LHPP: variants seen among roughly 807,000 people sequenced by gnomAD.
LHPP encodes the protein phospholysine phosphohistidine inorganic pyrophosphate phosphatase.
A neutral mutation model predicts 30.3 loss-of-function variants in LHPP; 24 were observed. The ratio of observed to expected loss-of-function variants is 0.79; its 90% CI spans 0.57 to 1.11. The LOEUF is 1.11. LHPP is among the 50% of genes most tolerant of loss of function. The pLI is 0.00. For missense variants in LHPP, 356 were observed against 367.2 expected (o/e 0.97, Z 0.25); for synonymous variants, 150 against 157.1 (o/e 0.95, Z 0.34).
chr10:124,524,275 A>ATT (rs59957047), intron 6 of LHPP, among the ~76,000 whole-genome samples: 34 of 126,172 alleles, frequency 2.7e-4, no homozygotes, highest in Non-Finnish European at 4.9e-4. Context: ...TTTTGTTTTC[A>ATT]TTTTTTTTTT....
chr10:124,607,930 C>T (rs942234138), intron 6 of LHPP, among the ~76,000 whole-genome samples: 2 of 152,188 alleles, frequency 1.3e-5, no homozygotes, highest in Non-Finnish European at 2.9e-5. Flanking sequence ...GAGCTCATCT[C>T]CCCAGACCCT....
chr10:124,540,889 C>T (rs1955167280), intron 6 of LHPP, among the ~76,000 whole-genome samples: 1 of 152,134 alleles, frequency 6.6e-6, no homozygotes, highest in African/African-American at 2.4e-5. Flanking sequence ...TTAGCAGGTT[C>T]TGGACACACG....
At chr10:124,481,373 C>CAT (rs780510243) in intron 1 of LHPP, among the ~76,000 whole-genome samples, 1 of 85,028 alleles carries the variant, frequency 1.2e-5, no homozygotes. Context: ...TATCTGCCCC[C>CAT]TTTTTTTTTT....
At chr10:124,551,551 A>C (rs1192468126) in intron 6 of LHPP, among the ~76,000 whole-genome samples, 1 of 152,084 alleles carries the variant, frequency 6.6e-6, no homozygotes, top group African/African-American at 2.4e-5. Context: ...TGGGGAGGTA[A>C]GGGTCAGGTG....
Position 124,597,705 on chromosome 10 carries a change from C to A in LHPP, c.717-15559C>A, listed in dbSNP as rs1328652787. 2.0e-5 allele frequency among the ~76,000 whole-genome samples: 3 copies of A among 152,164 alleles called. No homozygotes were observed. The East Asian group carries it at 5.8e-4, about 29-fold the overall frequency. On this transcript the variant is annotated intron_variant, in intron 6 of 6. Transcript: ENST00000368842. ...AGGAGGTGGGGTGGCACTTCTGGGGCAGCCCAGAGTGAGTGCCCTGCCCTG... is the reference window on the plus strand; with the variant it reads ...AGGAGGTGGGGTGGCACTTCTGGGGAAGCCCAGAGTGAGTGCCCTGCCCTG...
intron 6 of LHPP, among the ~76,000 whole-genome samples, chr10:124,591,645 TTTCTACTTCCTTAAGATGGGAGC>T (rs1948883305): frequency 6.6e-6 from 1 of 151,948 alleles, no homozygotes; most frequent in African/African-American, 2.4e-5. Context: ...TTGTGCTCCT[TTTCTACTTCCTTAAGATGGGAGC>T]TTCAGTGATC....
intron 1 of LHPP, among the ~76,000 whole-genome samples, chr10:124,483,806 G>A (rs116662622): frequency 4.6e-5 from 7 of 151,680 alleles, no homozygotes; most frequent in South Asian, 2.1e-4. Context: ...GTAGAGAGGC[G>A]GGGGGACAGA....
intron 6 of LHPP, among the ~76,000 whole-genome samples, chr10:124,595,914 AGGAG>A (rs528834957): frequency 3.3e-4 from 50 of 152,328 alleles, no homozygotes; most frequent in African/African-American, 1.2e-3. Context: ...GATGAAGACG[AGGAG>A]CACCTCCAAT....
chr10:124,613,098 G>A (rs1949222949), intron 6 of LHPP, 166 bp from the exon 7 acceptor site: 2 of 654,424 alleles, frequency 3.1e-6, no homozygotes, highest in Non-Finnish European at 5.6e-6. Context: ...CCTGAGTAGG[G>A]CAGGGGGAGG....
At chr10:124,482,968 CACCAGGCCAGTGCCAGGCACGTAGTA>C (rs1953189672) in intron 1 of LHPP, among the ~76,000 whole-genome samples, 1 of 152,228 alleles carries the variant, frequency 6.6e-6, no homozygotes, top group South Asian at 2.1e-4. Context: ...CAGCTCTGTG[CACCAGGCCAGTGCCAGGCACGTAGTA>C]GGCGCTCAGT....
chr10:124,588,486 G>A (rs1017174479), intron 6 of LHPP, among the ~76,000 whole-genome samples: 9 of 152,164 alleles, frequency 5.9e-5, no homozygotes, highest in African/African-American at 2.2e-4. Flanking sequence ...ATTTCGCCAT[G>A]TTGACCAGAC....
intron 1 of LHPP, among the ~76,000 whole-genome samples, chr10:124,468,336 G>A (rs1166987180): frequency 2.0e-5 from 3 of 152,174 alleles, no homozygotes; most frequent in South Asian, 2.1e-4. Flanking sequence ...ACATCTAACA[G>A]CAATGTAATA....
At chr10:124,501,619 AAAG>A (rs1434471001) in intron 5 of LHPP, among the ~76,000 whole-genome samples, 3 of 150,320 alleles carry the variant, frequency 2.0e-5, no homozygotes, top group Non-Finnish European at 4.4e-5. Flanking sequence ...AAAAAAAAAA[AAAG>A]AAAAATATTC....
At chr10:124,516,628 T>G (rs1282622381) in intron 5 of LHPP, among the ~76,000 whole-genome samples, 1 of 152,176 alleles carries the variant, frequency 6.6e-6, no homozygotes, top group Non-Finnish European at 1.5e-5. Flanking sequence ...GTGAGAGAGT[T>G]TATCCCAGAG....
chr10:124,553,449 C>CTTTT lies in LHPP; in HGVS notation c.716+36202_716+36205dup, dbSNP rs35840555. On this transcript the variant is annotated intron_variant, in intron 6 of 6. Transcript: ENST00000368842. Reference sequence around the variant, plus strand: ...CCATAGGGCCAGGATTACAGCCATTCTTTTTTTTTTTTTTTTTTTTTTTTT... The same window carrying CTTTT: ...CCATAGGGCCAGGATTACAGCCATTCTTTTTTTTTTTTTTTTTTTTTTTTTTTTT... Among the ~76,000 whole-genome samples the CTTTT allele has an allele frequency of 3.2e-4, 20 of 61,634 alleles. 1 individual carries two copies. The highest frequency in any genetic ancestry group is 5.3e-4 in the African/African-American group (7 of 13,176). 40.4% of individuals were successfully genotyped at this position (61,634 alleles called of 152,430 possible).
chr10:124,564,419 G>A (rs552816412), intron 6 of LHPP, among the ~76,000 whole-genome samples: 1 of 151,568 alleles, frequency 6.6e-6, no homozygotes, highest in East Asian at 2.0e-4. Flanking sequence ...CACCGCGCCC[G>A]GCCAATTTTT....
rs149653715 is a variant in LHPP at position 124,536,334 on chromosome 10, G to T, written c.716+19063G>T. On this transcript the variant is annotated intron_variant, in intron 6 of 6. Coordinates refer to ENST00000368842, the MANE Select transcript of LHPP (RefSeq NM_022126.4). ...GGAGAAGAAGGGGTTAACCTGTCTG[G>T]AACCAGGAAAGAGGAAGCGGTAGTG... 1.1e-4 allele frequency among the ~76,000 whole-genome samples: 16 copies of T among 152,368 alleles called. No individual in the cohort carries two copies. In the East Asian group the frequency reaches 3.1e-3, roughly 29 times the overall value.
At chr10:124,602,514 C>A (rs894741030) in intron 6 of LHPP, among the ~76,000 whole-genome samples, 1 of 152,222 alleles carries the variant, frequency 6.6e-6, no homozygotes, top group African/African-American at 2.4e-5. Context: ...TCTGTGGCTC[C>A]TGGGGGTGTG....
rs1949231286 is a variant in LHPP, at chr10:124,613,489, C to T, written c.*129C>T. On this transcript the variant is annotated 3_prime_UTR_variant, in exon 7 of 7. Transcript: ENST00000368842. ...CCTCCACCCCTGCCTCTCCTCCACCCCTGCCTCCCCTCCACCTGCCCCAGT... is the reference window on the plus strand; with the variant it reads ...CCTCCACCCCTGCCTCTCCTCCACCTCTGCCTCCCCTCCACCTGCCCCAGT... 3.0e-6 allele frequency: 2 copies of T among 675,830 alleles called. No individual in the cohort carries two copies. Among genetic ancestry groups the T allele is most frequent in the African/African-American group, 3.5e-5 (2 of 56,816 alleles). The allele number at this position is 675,830 out of a possible 1,614,324, so 41.9% of individuals were successfully genotyped here. A position where few individuals can be genotyped will look rare whatever the true frequency, so the allele number is the denominator to read the frequency against.
Sources: gnomAD v4.1 joint callset for allele counts (sites outside exome capture counted in the v4.1 genomes callset) on GRCh38, gnomAD v4.1.1 for gene constraint, MANE v1.5 for transcripts, NCBI Gene and HGNC (gene_info 2026-07-23, HGNC 2026-07-21) for gene names.